NKAIN3: variants seen among roughly 807,000 people sequenced by gnomAD.
NKAIN3 encodes the protein sodium/potassium-transporting ATPase subunit beta-1-interacting protein 3.
NKAIN3 carries 25 observed loss-of-function variants against 30.2 expected under a neutral mutation model. That is an observed-to-expected ratio of 0.83 (90% confidence interval 0.60 to 1.16). NKAIN3 has a LOEUF of 1.16. NKAIN3 is among the 50% of genes most tolerant of loss of function. The probability of loss-of-function intolerance (pLI) is 0.00; values close to 1 mark genes in which losing one functional copy is unlikely to be tolerated. For missense variants in NKAIN3, 225 were observed against 254.1 expected, an observed-to-expected ratio of 0.89 and a Z score of 0.78; for synonymous variants, 91 against 89.6, an observed-to-expected ratio of 1.02 and a Z score of -0.09.
chr8:62,885,233 C>A (rs2130818507), intron 4 of NKAIN3, among the ~76,000 whole-genome samples: 1 of 152,212 alleles, frequency 6.6e-6, no homozygotes, highest in Admixed American at 6.5e-5. Flanking sequence ...GAGGCTTCTT[C>A]TTTGACTCAT....
rs569697233 is a variant in NKAIN3 at position 62,443,511 on chromosome 8, G to A, written c.55-136028G>A. Among the ~76,000 whole-genome samples, 280 of 152,018 alleles carry A rather than the reference G, an allele frequency of 1.8e-3. 1 individual carries two copies. Among genetic ancestry groups the A allele is most frequent in the African/African-American group, 6.5e-3 (269 of 41,444 alleles). On this transcript the variant is annotated intron_variant, in intron 1 of 6. Coordinates refer to ENST00000623646, the MANE Select transcript of NKAIN3 (RefSeq NM_001304533.3). ...AGATTCTCCTGCCTCAGCCTCCCGAGTAGCTGGGACTAGAGGTGCGAGCCA... is the reference window on the plus strand; with the variant it reads ...AGATTCTCCTGCCTCAGCCTCCCGAATAGCTGGGACTAGAGGTGCGAGCCA...
intron 1 of NKAIN3, among the ~76,000 whole-genome samples, chr8:62,374,158 A>G (rs62509193): frequency 0.14 from 20,687 of 150,826 alleles, 1,746 homozygotes; most frequent in East Asian, 0.4. Flanking sequence ...AAGAAGAAAG[A>G]AAGAAAGAGA....
At chr8:62,556,446 A>G (rs2129958927) in intron 1 of NKAIN3, among the ~76,000 whole-genome samples, 1 of 151,910 alleles carries the variant, frequency 6.6e-6, no homozygotes, top group East Asian at 1.9e-4. Context: ...AATAAAATTG[A>G]AACTAGGATA....
chr8:62,653,304 A>G (rs1434041426), intron 3 of NKAIN3, among the ~76,000 whole-genome samples: 2 of 152,162 alleles, frequency 1.3e-5, no homozygotes, highest in African/African-American at 4.8e-5. Flanking sequence ...AGAGAACCAG[A>G]GCAAGCTCTG....
At chr8:62,397,505 G>T (rs1817801665) in intron 1 of NKAIN3, among the ~76,000 whole-genome samples, 2 of 152,068 alleles carry the variant, frequency 1.3e-5, no homozygotes, top group Non-Finnish European at 2.9e-5. Context: ...GAGGACAATT[G>T]AAATAGAGGT....
intron 4 of NKAIN3, among the ~76,000 whole-genome samples, chr8:62,753,976 T>C (rs554348317): frequency 3.9e-5 from 6 of 152,266 alleles, no homozygotes; most frequent in Non-Finnish European, 8.8e-5. Context: ...TTTTTTATGA[T>C]TCAAGTACAT....
At chr8:62,619,802 G>GT (rs1415300900) in intron 3 of NKAIN3, among the ~76,000 whole-genome samples, 5 of 151,756 alleles carry the variant, frequency 3.3e-5, no homozygotes, top group Non-Finnish European at 5.9e-5. Context: ...CTTCCTAACT[G>GT]TTGACAAATC....
At position 62,980,411 on chromosome 8, in the gene NKAIN3, T is replaced by C. The variant is rs1439723603; in HGVS notation, c.*15004T>C. 1.3e-5 allele frequency: 2 copies of C among 152,216 alleles called. No homozygotes were observed. The highest frequency in any genetic ancestry group is 4.8e-5 in the African/African-American group (2 of 41,456). The allele number at this position is 152,216 out of a possible 1,614,324, so 9.4% of individuals were successfully genotyped here. A position where few individuals can be genotyped will look rare whatever the true frequency, so the allele number is the denominator to read the frequency against. On this transcript the variant is annotated 3_prime_UTR_variant, in exon 7 of 7. Transcript: ENST00000623646. ...TAAGATAATATACTAGGACCATCTA[T>C]CAGATATGAAACCAAGCATAATCAT...
chr8:62,839,152 C>T (rs1328561690), intron 4 of NKAIN3, among the ~76,000 whole-genome samples: 1 of 152,064 alleles, frequency 6.6e-6, no homozygotes, highest in Non-Finnish European at 1.5e-5. Context: ...TACTTTCCTC[C>T]TTCTAAAGAC....
intron 4 of NKAIN3, among the ~76,000 whole-genome samples, chr8:62,849,150 T>C (rs751855844): frequency 5.9e-5 from 9 of 152,130 alleles, no homozygotes; most frequent in Non-Finnish European, 1.0e-4. Flanking sequence ...TGCCAGGTTT[T>C]GGTATCAGGA....
At chr8:62,454,316 A>AAAAAAAAAAAG in intron 1 of NKAIN3, among the ~76,000 whole-genome samples, 1 of 149,592 alleles carries the variant, frequency 6.7e-6, no homozygotes, top group African/African-American at 2.4e-5. Flanking sequence ...AAAAAAAAAA[A>AAAAAAAAAAAG]AAAAAAATCT....
In NKAIN3 at chr8:62,438,867, A is replaced by G. The variant is rs183334950; in HGVS notation, c.55-140672A>G. On this transcript the variant is annotated intron_variant, in intron 1 of 6. Transcript: ENST00000623646. ...TGCGAGCCACTGAGCCTGGCCAGGA[A>G]CAGCCACTATTAAAATGCCAATGTT... 2.7e-3 allele frequency among the ~76,000 whole-genome samples: 414 copies of G among 152,274 alleles called. 3 individuals are homozygous for G. Among genetic ancestry groups the G allele is most frequent in the African/African-American group, 7.7e-3 (319 of 41,566 alleles).
chr8:62,598,499 T>G (rs1273577971), intron 3 of NKAIN3, among the ~76,000 whole-genome samples: 2 of 152,036 alleles, frequency 1.3e-5, no homozygotes, highest in Non-Finnish European at 2.9e-5. Flanking sequence ...TTAGTGGATT[T>G]ATTTTGCCTT....
intron 4 of NKAIN3, among the ~76,000 whole-genome samples, chr8:62,806,974 A>C (rs1018289232): frequency 6.6e-6 from 1 of 152,090 alleles, no homozygotes; most frequent in Non-Finnish European, 1.5e-5. Flanking sequence ...GATGAACAAC[A>C]TGGTCCACTG....
chr8:62,611,822 A>G (rs1479714325), intron 3 of NKAIN3, among the ~76,000 whole-genome samples: 1 of 152,126 alleles, frequency 6.6e-6, no homozygotes, highest in Non-Finnish European at 1.5e-5. Context: ...AGACTGCTGG[A>G]TCATATGGTA....
chr8:62,841,026 A>C (rs1477679526), intron 4 of NKAIN3, among the ~76,000 whole-genome samples: 1 of 152,140 alleles, frequency 6.6e-6, no homozygotes, highest in Non-Finnish European at 1.5e-5. Flanking sequence ...TAGGTAGCAT[A>C]ATGGACCTCC....
chr8:62,561,588 C>T (rs1476931379), intron 1 of NKAIN3, among the ~76,000 whole-genome samples: 7 of 152,106 alleles, frequency 4.6e-5, no homozygotes, highest in African/African-American at 9.7e-5. Context: ...GAGGTCCTCA[C>T]GTTCGTTCCA....
chr8:62,890,429 A>C (rs1386087268), intron 4 of NKAIN3, among the ~76,000 whole-genome samples: 6 of 152,252 alleles, frequency 3.9e-5, no homozygotes, highest in Non-Finnish European at 7.3e-5. Context: ...TGCAGGATGC[A>C]GGTCACAATT....
intron 1 of NKAIN3, among the ~76,000 whole-genome samples, chr8:62,438,345 A>G (rs890160287): frequency 6.6e-6 from 1 of 152,164 alleles, no homozygotes; most frequent in African/African-American, 2.4e-5. Flanking sequence ...AGAAATTTGT[A>G]TGCTAAAATC....
Sources: gnomAD v4.1 joint callset for allele counts (sites outside exome capture counted in the v4.1 genomes callset) on GRCh38, gnomAD v4.1.1 for gene constraint, MANE v1.5 for transcripts, NCBI Gene and HGNC (gene_info 2026-07-23, HGNC 2026-07-21) for gene names.